Variants in NLRP11 observed in about 807,000 individuals in gnomAD.
NLRP11 encodes the protein NLR family pyrin domain containing 11, also known as NACHT, LRR and PYD domains-containing protein 11.
Under a neutral mutation model 79.3 loss-of-function variants are expected in NLRP11, and 53 were observed. The observed-to-expected ratio is 0.67, with a 90% CI of 0.54 to 0.84. The LOEUF (loss-of-function observed/expected upper bound fraction) is 0.84. NLRP11 is among the 40% of genes least tolerant of loss of function. The pLI is 0.00. For synonymous variants in NLRP11, 518 were observed against 462.6 expected (o/e 1.12, Z -1.54); for missense variants, 1,264 against 1,255.0 (o/e 1.01, Z -0.11).
Position 55,809,973 on chromosome 19 carries a change from G to A in NLRP11, c.637C>T (p.Pro213Ser). ...GGATCAGACAGGATGTCTGCAATGG[G>A]AGCCTGGCCGTCAGGCCAGTCCTTG... Residue 213 changes from proline (P) to serine (S), a missense_variant, in exon 3 of 10, where the codon CCC (proline) becomes TCC (serine). By Grantham distance (74) the Pro-to-Ser change is moderately conservative (BLOSUM62 -1). Coordinates refer to ENST00000589093, the Ensembl canonical transcript of NLRP11. The surrounding 1 kb of genome is among the most constrained non-coding windows in gnomAD (Gnocchi z 4.5). 1 of 1,614,154 alleles carries A rather than the reference G, an allele frequency of 6.2e-7. No homozygotes were observed. Among genetic ancestry groups the A allele is most frequent in the South Asian group, 1.1e-5 (1 of 91,076 alleles).
upstream of NLRP11, among the ~76,000 whole-genome samples, chr19:55,832,305 T>C (rs1302230010): frequency 6.6e-6 from 1 of 152,110 alleles, no homozygotes; most frequent in Non-Finnish European, 1.5e-5. Context: ...CCACCAATAA[T>C]CTCAATTTCG....
chr19:55,794,915 G>A (rs1978676673), intron 6 of NLRP11, among the ~76,000 whole-genome samples: 1 of 152,042 alleles, frequency 6.6e-6, no homozygotes. Context: ...TTGGAATCTA[G>A]CAAGTCCTAA....
chr19:55,801,758 C>T lies in NLRP11; in HGVS notation c.2004-19G>A, dbSNP rs1165931167. 1 of 1,611,284 alleles carries T rather than the reference C, an allele frequency of 6.2e-7. No homozygotes were observed. The highest frequency in any genetic ancestry group is 8.5e-7 in the Non-Finnish European group (1 of 1,177,540). On this transcript the variant is annotated intron_variant, in intron 4 of 9. Coordinates refer to ENST00000589093, the Ensembl canonical transcript of NLRP11. ...GGACAACCTGTGGAAGACATAATAG[C>T]AGGAAAGCACTAGTGAAGGTCTGAA... is the stretch of plus-strand genomic sequence containing the variant.
At chr19:55,830,293 GCCCCATCCTTGTAAC>G (rs1982624337) in intron 1 of NLRP11, among the ~76,000 whole-genome samples, 1 of 151,984 alleles carries the variant, frequency 6.6e-6, no homozygotes, top group Non-Finnish European at 1.5e-5. Context: ...TTGCCTTTGA[GCCCCATCCTTGTAAC>G]TGAGAGACTT....
chr19:55,821,838 G>A (rs1422658930), intron 1 of NLRP11, among the ~76,000 whole-genome samples: 2 of 152,150 alleles, frequency 1.3e-5, no homozygotes, highest in Admixed American at 1.3e-4. Flanking sequence ...CCCTTAAATG[G>A]AAGTCTCCAT....
exon 5 of NLRP11, chr19:55,801,585 T>C (rs762733920): frequency 4.3e-6 from 7 of 1,613,988 alleles, no homozygotes; most frequent in Non-Finnish European, 5.9e-6. Context: ...AGATGACTTA[T>C]TTGGCATGTG....
chr19:55,829,675 A>AT (rs1982563753), intron 1 of NLRP11, among the ~76,000 whole-genome samples: 1 of 144,854 alleles, frequency 6.9e-6, no homozygotes, highest in African/African-American at 2.8e-5. Flanking sequence ...AAAAAAAAAA[A>AT]AAAAAAAAAA....
exon 10 of NLRP11, chr19:55,785,537 ACAT>A: frequency 5.2e-5 from 61 of 1,180,990 alleles, no homozygotes; most frequent in Non-Finnish European, 6.3e-5. Flanking sequence ...ACACACACAC[ACAT>A]CAAATAGGAA....
chr19:55,813,442 T>C (rs1980796196), intron 2 of NLRP11, among the ~76,000 whole-genome samples: 1 of 152,206 alleles, frequency 6.6e-6, no homozygotes, highest in African/African-American at 2.4e-5. Context: ...CATCTACCAA[T>C]TTCCTGTCCC....
At chr19:55,817,866 C>T (rs779872284) in intron 2 of NLRP11, 38 bp downstream of exon 2, 3 of 1,538,224 alleles carry the variant, frequency 2.0e-6, no homozygotes, top group African/African-American at 1.4e-5. Flanking sequence ...CTGTGAAGTG[C>T]CCTGATTTCT....
chr19:55,828,280 G>C (rs1600206637), intron 1 of NLRP11, among the ~76,000 whole-genome samples: 1 of 134,208 alleles, frequency 7.5e-6, no homozygotes, highest in African/African-American at 2.7e-5. Flanking sequence ...GTGGGGGGAA[G>C]GGGGAGGGAG....
intron 6 of NLRP11, 92 bp downstream of exon 6, chr19:55,795,988 G>C: frequency 8.5e-7 from 1 of 1,173,682 alleles, no homozygotes; most frequent in Non-Finnish European, 1.2e-6. Context: ...TTGCTTTGCT[G>C]TCCCTTTCCC....
intron 3 of NLRP11, 88 bp downstream of exon 3, chr19:55,808,681 G>A (rs907149462): frequency 7.4e-6 from 9 of 1,217,358 alleles, no homozygotes; most frequent in East Asian, 4.7e-5. Flanking sequence ...TCATGGCCCC[G>A]AGTTTGTCTT....
intron 6 of NLRP11, 32 bp from the exon 7 acceptor site, chr19:55,792,503 T>G: frequency 6.2e-7 from 1 of 1,602,396 alleles, no homozygotes; most frequent in Non-Finnish European, 8.5e-7. Flanking sequence ...TCAGTGACAG[T>G]GTGAGCACCA....
rs1267782253 is a variant in NLRP11 at position 55,809,838 on chromosome 19, G to T, written c.772C>A (p.Leu258Ile). ...TTTCTCTTCAGCAAACTGACCAGGA[G>T]AACTGGAATGGGAACTTTCTGGGTG... Residue 258 changes from leucine to isoleucine, a missense_variant, in exon 3 of 10, where the codon CTC becomes ATC. By Grantham distance (5) the Leu-to-Ile change is conservative. Coordinates refer to ENST00000589093, the Ensembl canonical transcript of NLRP11. The surrounding 1 kb of genome is among the most constrained non-coding windows in gnomAD (Gnocchi z 4.5). 6.2e-7 allele frequency: 1 copy of T among 1,614,188 alleles called. No homozygotes were observed. Among genetic ancestry groups the T allele is most frequent in the Admixed American group, 1.7e-5 (1 of 60,018 alleles).
intron 5 of NLRP11, chr19:55,798,166 A>G (rs1263772357): frequency 5.9e-6 from 1 of 169,654 alleles, no homozygotes; most frequent in African/African-American, 2.4e-5. Flanking sequence ...TACTTGGATA[A>G]TTTTGCATTT....
chr19:55,801,322 G>A lies in NLRP11; in HGVS notation c.2171+250C>T, dbSNP rs1314072720. On this transcript the variant is annotated intron_variant, in intron 5 of 9. Transcript: ENST00000589093. The stretch of plus-strand genomic sequence containing the variant: ...GTAGTCTACTTCAGAATGACCAGAG[G>A]AATTAGATCATTAGAGAAATATCAG... 2.6e-5 allele frequency: 12 copies of A among 461,140 alleles called. No individual in the cohort carries two copies. The East Asian group carries it at 4.2e-4, about 16-fold the overall frequency. The allele number at this position is 461,140 out of a possible 1,614,324, so 28.6% of individuals were successfully genotyped here. A position where few individuals can be genotyped will look rare whatever the true frequency, so the allele number is the denominator to read the frequency against.
intron 1 of NLRP11, among the ~76,000 whole-genome samples, chr19:55,831,082 G>C (rs1046750240): frequency 2.5e-5 from 3 of 122,308 alleles, no homozygotes; most frequent in African/African-American, 9.6e-5. Context: ...AAAATAACAT[G>C]TTAAGACCCA....
At chr19:55,834,424 A>G (rs541719189), upstream of NLRP11, among the ~76,000 whole-genome samples, 5 of 152,372 alleles carry the variant, frequency 3.3e-5, no homozygotes, top group South Asian at 2.1e-4. Flanking sequence ...ATAAAAGCAA[A>G]TGAAAACAAC....
Sources: allele counts gnomAD v4.1 joint callset (sites outside exome capture counted in the v4.1 genomes callset), GRCh38; gene constraint gnomAD v4.1.1; non-coding constraint Gnocchi (gnomAD v3.1); transcripts MANE v1.5; gene names NCBI Gene and HGNC (gene_info 2026-07-23, HGNC 2026-07-21).